The following MVB12B variants were observed in gnomAD, a reference collection of about 807,000 sequenced individuals.
MVB12B encodes ESCRT-I complex subunit MVB12B.
MVB12B carries 16 observed loss-of-function variants against 41.6 expected under a neutral mutation model. The ratio of observed to expected loss-of-function variants is 0.38; its 90% CI spans 0.26 to 0.58. The LOEUF is 0.58. MVB12B is among the 20% of genes least tolerant of loss of function. The pLI, the probability that MVB12B is intolerant of heterozygous loss-of-function variation, is 0.62. For synonymous variants in MVB12B, 133 were observed against 139.7 expected (o/e 0.95, Z 0.34); for missense variants, 274 against 380.2 (o/e 0.72, Z 2.32).
intron 7 of MVB12B, among the ~76,000 whole-genome samples, chr9:126,465,917 C>A (rs78629472): frequency 6.6e-6 from 1 of 152,152 alleles, no homozygotes; most frequent in African/African-American, 2.4e-5. Flanking sequence ...GGCATTTGAA[C>A]CTAGGGCTGT....
intron 2 of MVB12B, among the ~76,000 whole-genome samples, chr9:126,353,401 A>G (rs1472861823): frequency 1.3e-5 from 2 of 152,188 alleles, no homozygotes; most frequent in Non-Finnish European, 2.9e-5. Context: ...TTTCCCACAA[A>G]TCTGCAAATA....
At chr9:126,483,827 C>A in intron 8 of MVB12B, 146 bp from the exon 9 acceptor site, 1 of 804,908 alleles carries the variant, frequency 1.2e-6, no homozygotes, top group Non-Finnish European at 2.1e-6. Context: ...GACCGAGAGT[C>A]CCACTGACTG....
At chr9:126,422,023 T>A (rs545812983) in intron 7 of MVB12B, 75 bp downstream of exon 7, 14 of 1,071,214 alleles carry the variant, frequency 1.3e-5, no homozygotes, top group South Asian at 3.7e-5. Flanking sequence ...ACGTTCTCTG[T>A]CTTCTCGTGG....
In MVB12B at chr9:126,365,442, C is replaced by T. The variant is rs146362664; in HGVS notation, c.205-15622C>T. The stretch of plus-strand genomic sequence containing the variant: ...TCGTCTCCCAGGTTCAAGTGATTCT[C>T]CTGTCTCAGCCTCCCGAGTAGCTGG... On this transcript the variant is annotated intron_variant, in intron 2 of 9. Transcript: ENST00000361171. 6.5e-4 allele frequency among the ~76,000 whole-genome samples: 98 copies of T among 151,596 alleles called. 1 individual carries two copies. The East Asian group carries it at 0.014, about 22-fold the overall frequency.
At chr9:126,430,821 T>C (rs889214309) in intron 7 of MVB12B, among the ~76,000 whole-genome samples, 1 of 152,354 alleles carries the variant, frequency 6.6e-6, no homozygotes, top group South Asian at 2.1e-4. Context: ...GCACAAAATA[T>C]GTGACTAGCA....
At chr9:126,380,931 G>A (rs1830618550) in intron 2 of MVB12B, 133 bp from the exon 3 acceptor site, 1 of 621,984 alleles carries the variant, frequency 1.6e-6, no homozygotes, top group Non-Finnish European at 2.8e-6. Context: ...AGTGCCTAGT[G>A]AAATGAGCTA....
intron 7 of MVB12B, among the ~76,000 whole-genome samples, chr9:126,435,731 C>A (rs537660113): frequency 5.3e-5 from 8 of 152,188 alleles, no homozygotes; most frequent in African/African-American, 1.9e-4. Context: ...TCTGGAAGTC[C>A]CCTGTCCCTG....
intron 2 of MVB12B, among the ~76,000 whole-genome samples, chr9:126,371,014 A>G (rs891111628): frequency 2.6e-5 from 4 of 152,184 alleles, no homozygotes; most frequent in Non-Finnish European, 5.9e-5. Flanking sequence ...GTTTTTGACA[A>G]ATTGAGGTAG....
chr9:126,477,641 CATG>C (rs1833446567), intron 7 of MVB12B, among the ~76,000 whole-genome samples: 2 of 152,184 alleles, frequency 1.3e-5, no homozygotes, highest in African/African-American at 4.8e-5. Flanking sequence ...TATTCACTCT[CATG>C]AGAATAGCAT....
chr9:126,414,088 T>G (rs1286446201), intron 6 of MVB12B, among the ~76,000 whole-genome samples: 1 of 152,090 alleles, frequency 6.6e-6, no homozygotes, highest in African/African-American at 2.4e-5. Context: ...AGATTTAAAT[T>G]AACAAGGAAA....
Position 126,503,245 on chromosome 9 carries a change from G to A in MVB12B, c.942G>A (p.Gln314=), listed in dbSNP as rs1833999267. Residue 314 remains glutamine (Q), a synonymous_variant, in exon 10 of 10, where the codon CAG becomes CAA. Coordinates refer to ENST00000361171, the MANE Select transcript of MVB12B (RefSeq NM_033446.3). ...ARLPPSPTRC[Q]QIPQS ...TCCCGCCCAGCCCCACCAGGTGTCAGCAGATCCCGCAGTCCTGAGGAGCCA... is the reference window on the plus strand; with the variant it reads ...TCCCGCCCAGCCCCACCAGGTGTCAACAGATCCCGCAGTCCTGAGGAGCCA... 1 of 1,550,338 alleles carries A rather than the reference G, an allele frequency of 6.5e-7. No homozygotes were observed. The highest frequency in any genetic ancestry group is 1.7e-4 in the Middle Eastern group (1 of 5,994).
At chr9:126,474,503 A>T (rs1833382739) in intron 7 of MVB12B, among the ~76,000 whole-genome samples, 1 of 152,192 alleles carries the variant, frequency 6.6e-6, no homozygotes, top group South Asian at 2.1e-4. Flanking sequence ...GAGAGGAGAC[A>T]TGGATGTTAC....
In MVB12B at chr9:126,386,695, G is replaced by A. The variant is rs77651343; in HGVS notation, c.409+37G>A. The A allele has an allele frequency of 2.7e-4, 387 of 1,435,844 alleles. No homozygotes were observed. The East Asian group carries it at 4.0e-3, about 15-fold the overall frequency. 88.9% of individuals were successfully genotyped at this position (1,435,844 alleles called of 1,614,324 possible). A position where few individuals can be genotyped will look rare whatever the true frequency, so the allele number is the denominator to read the frequency against. ...TTTAGTAGCACTCATCACAATGAGC[G>A]TTTTCTTCCTCCAGGTATATTTGTA... is the stretch of plus-strand genomic sequence containing the variant. On this transcript the variant is annotated intron_variant, in intron 4 of 9. Coordinates refer to ENST00000361171, the MANE Select transcript of MVB12B (RefSeq NM_033446.3). The surrounding 1 kb of genome is among the most constrained non-coding windows in gnomAD (Gnocchi z 4.3).
chr9:126,432,599 C>T (rs1310632327), intron 7 of MVB12B, among the ~76,000 whole-genome samples: 2 of 152,212 alleles, frequency 1.3e-5, no homozygotes, highest in Admixed American at 1.3e-4. Flanking sequence ...ATGGCATATG[C>T]ACTTGCCATG....
intron 7 of MVB12B, among the ~76,000 whole-genome samples, chr9:126,475,258 A>G (rs1833399396): frequency 6.6e-6 from 1 of 152,140 alleles, no homozygotes; most frequent in South Asian, 2.1e-4. Flanking sequence ...TCAGGCGTGC[A>G]TTAGATGAGC....
intron 7 of MVB12B, among the ~76,000 whole-genome samples, chr9:126,441,003 C>G (rs757562103): frequency 6.6e-6 from 1 of 152,200 alleles, no homozygotes; most frequent in Non-Finnish European, 1.5e-5. Flanking sequence ...ATGAATGCGG[C>G]GAGGCCTGGG....
intron 7 of MVB12B, among the ~76,000 whole-genome samples, chr9:126,430,589 T>A (rs927064710): frequency 2.7e-5 from 4 of 150,820 alleles, no homozygotes; most frequent in Admixed American, 1.3e-4. Flanking sequence ...TTTTTTTTTT[T>A]AATTGAGGAG....
chr9:126,388,705 T>A (rs900622143), intron 4 of MVB12B, among the ~76,000 whole-genome samples: 20 of 152,220 alleles, frequency 1.3e-4, no homozygotes, highest in African/African-American at 3.9e-4. Context: ...TTATTGTCTG[T>A]CTTTTTGATT....
chr9:126,401,831 T>C (rs966367769), intron 6 of MVB12B, among the ~76,000 whole-genome samples: 5 of 150,960 alleles, frequency 3.3e-5, no homozygotes, highest in African/African-American at 1.2e-4. Flanking sequence ...AAGTCAGCAG[T>C]TGGGGCGGAG....
Sources: gnomAD v4.1 joint callset for allele counts (sites outside exome capture counted in the v4.1 genomes callset) on GRCh38, gnomAD v4.1.1 for gene constraint, Gnocchi (gnomAD v3.1) non-coding constraint, MANE v1.5 for transcripts, NCBI Gene and HGNC (gene_info 2026-07-23, HGNC 2026-07-21) for gene names.